Variants in FARP1 observed in about 807,000 individuals in gnomAD.
FARP1 encodes the protein FERM, ARH/RhoGEF and pleckstrin domain protein 1, also known as FERM, ARHGEF and pleckstrin domain-containing protein 1.
FARP1 carries 52 observed loss-of-function variants against 128.8 expected under a neutral mutation model. The observed-to-expected ratio is 0.40, with a 90% CI of 0.32 to 0.51. FARP1 has a LOEUF of 0.51. FARP1 is among the 20% of genes least tolerant of loss of function. The pLI is 0.45. For synonymous variants in FARP1, 580 were observed against 551.8 expected (o/e 1.05, Z -0.72); for missense variants, 1,333 against 1,367.9 (o/e 0.97, Z 0.40).
rs1159801156 is a variant in FARP1, at chr13:98,167,954, C to T, written c.-24+24462C>T. Among the ~76,000 whole-genome samples, 15 of 151,402 alleles carry T rather than the reference C, an allele frequency of 9.9e-5. No individual in the cohort carries two copies. In the East Asian group the frequency reaches 2.4e-3, roughly 24 times the overall value. Reference sequence around the variant, plus strand: ...TTGGGAGGCCGAGGTGGGTGGATCACGAGGTCAGGAGATCGAGACCATCCT... The same window carrying T: ...TTGGGAGGCCGAGGTGGGTGGATCATGAGGTCAGGAGATCGAGACCATCCT... On this transcript the variant is annotated intron_variant, in intron 1 of 26. Coordinates refer to ENST00000319562, the MANE Select transcript of FARP1 (RefSeq NM_005766.4).
intron 3 of FARP1, among the ~76,000 whole-genome samples, chr13:98,353,857 C>T (rs1210334153): frequency 1.3e-5 from 2 of 151,550 alleles, no homozygotes; most frequent in Non-Finnish European, 2.9e-5. Context: ...CTCATGTTAA[C>T]TCTTCTTACC....
intron 1 of FARP1, among the ~76,000 whole-genome samples, chr13:98,145,861 CAAAAAAAAA>C (rs140525790): frequency 2.3e-5 from 3 of 131,210 alleles, no homozygotes; most frequent in South Asian, 2.4e-4. Context: ...GACTCTGTCT[CAAAAAAAAA>C]AAAAAAAAAG....
intron 2 of FARP1, among the ~76,000 whole-genome samples, chr13:98,262,403 G>A (rs1194645686): frequency 6.6e-6 from 1 of 152,032 alleles, no homozygotes; most frequent in East Asian, 1.9e-4. Context: ...GCTGGTTTTT[G>A]GGACACTTAA....
At chr13:98,345,447 CT>C (rs1355762732) in intron 3 of FARP1, 1 of 152,230 alleles carries the variant, frequency 6.6e-6, no homozygotes, top group African/African-American at 2.4e-5. Context: ...AGGTGCTTCT[CT>C]TTTGCTAGAA....
intron 2 of FARP1, among the ~76,000 whole-genome samples, chr13:98,227,946 G>A (rs1439976126): frequency 1.3e-5 from 2 of 152,240 alleles, no homozygotes; most frequent in Non-Finnish European, 2.9e-5. Flanking sequence ...GTTGCTGTGG[G>A]AAGGCAGAAA....
chr13:98,248,883 C>G (rs1265497556), intron 2 of FARP1, among the ~76,000 whole-genome samples: 1 of 151,900 alleles, frequency 6.6e-6, no homozygotes, highest in African/African-American at 2.4e-5. Context: ...GTCCAGGGTT[C>G]CTGAGCGCAA....
At chr13:98,188,840 C>T (rs372038994) in intron 1 of FARP1, among the ~76,000 whole-genome samples, 16 of 152,158 alleles carry the variant, frequency 1.1e-4, no homozygotes, top group African/African-American at 2.7e-4. Flanking sequence ...CCTGCACATC[C>T]GAGGCTCACC....
At chr13:98,208,071 A>T (rs188749415) in intron 1 of FARP1, among the ~76,000 whole-genome samples, 2 of 152,172 alleles carry the variant, frequency 1.3e-5, no homozygotes, top group African/African-American at 4.8e-5. Context: ...TCTCAAGGCT[A>T]ATGAGTGAAT....
At chr13:98,195,762 C>T (rs1367228501) in intron 1 of FARP1, among the ~76,000 whole-genome samples, 6 of 152,172 alleles carry the variant, frequency 3.9e-5, no homozygotes, top group Non-Finnish European at 8.8e-5. Flanking sequence ...TGTGGTGACT[C>T]ACACTTGCAA....
intron 2 of FARP1, among the ~76,000 whole-genome samples, chr13:98,253,267 C>G (rs7318806): frequency 0.023 from 3,484 of 152,318 alleles, 115 homozygotes; most frequent in African/African-American, 0.078. Flanking sequence ...CCTTTTATTT[C>G]TCTTAACCCA....
intron 3 of FARP1, among the ~76,000 whole-genome samples, chr13:98,361,907 C>T (rs547943173): frequency 3.9e-5 from 6 of 152,280 alleles, no homozygotes; most frequent in South Asian, 4.1e-4. Context: ...TATCGGTCAT[C>T]GCCTCTTGCC....
At chr13:98,172,671 G>C (rs1877735526) in intron 1 of FARP1, among the ~76,000 whole-genome samples, 2 of 152,312 alleles carry the variant, frequency 1.3e-5, no homozygotes, top group East Asian at 1.9e-4. Context: ...GCTGGAGAGA[G>C]AAGGAAGTGA....
chr13:98,183,039 T>A (rs1160315978), intron 1 of FARP1, among the ~76,000 whole-genome samples: 1 of 152,206 alleles, frequency 6.6e-6, no homozygotes, highest in East Asian at 1.9e-4. Flanking sequence ...AATTTTAAGA[T>A]CCTTTAATAT....
chr13:98,405,298 G>A (rs370358338), intron 13 of FARP1: 36 of 152,214 alleles, frequency 2.4e-4, no homozygotes, highest in African/African-American at 8.2e-4. Context: ...AGAGAGCAGC[G>A]CAGGCAGTTT....
chr13:98,417,118 G>A lies in FARP1; in HGVS notation c.1826+5084G>A, dbSNP rs540232764. On this transcript the variant is annotated intron_variant, in intron 16 of 26. Coordinates refer to ENST00000319562, the MANE Select transcript of FARP1 (RefSeq NM_005766.4). ...AGCTCAGAGGATGGTCATGAAAATG[G>A]GAGGGAAGTCAAAGAAGCCAGGAAG... 6.6e-5 allele frequency among the ~76,000 whole-genome samples: 10 copies of A among 152,250 alleles called. No individual in the cohort carries two copies. In the East Asian group the frequency reaches 1.9e-3, roughly 29 times the overall value.
chr13:98,411,717 C>T (rs914540012), intron 15 of FARP1, among the ~76,000 whole-genome samples, 184 bp from the exon 16 acceptor site: 10 of 152,158 alleles, frequency 6.6e-5, no homozygotes, highest in African/African-American at 9.7e-5. Context: ...CTTCTTACCC[C>T]GTCTAAGGAA....
At chr13:98,166,492 GTAT>G (rs1243430476) in intron 1 of FARP1, among the ~76,000 whole-genome samples, 5 of 152,116 alleles carry the variant, frequency 3.3e-5, no homozygotes, top group Non-Finnish European at 5.9e-5. Context: ...TAGGGGAGAG[GTAT>G]TATTATTATC....
At chr13:98,181,643 T>TATTTGAGA (rs74946449) in intron 1 of FARP1, among the ~76,000 whole-genome samples, 1 of 38,300 alleles carries the variant, frequency 2.6e-5, no homozygotes, top group African/African-American at 1.2e-4. Flanking sequence ...TTTATTTATT[T>TATTTGAGA]GAGAGAGAGA....
chr13:98,419,892 G>A (rs1865809342), intron 16 of FARP1, among the ~76,000 whole-genome samples: 1 of 152,136 alleles, frequency 6.6e-6, no homozygotes, highest in Admixed American at 6.5e-5. Context: ...AAGGAGAGAA[G>A]GGGAGAGCTG....
Sources: allele counts gnomAD v4.1 joint callset (sites outside exome capture counted in the v4.1 genomes callset), GRCh38; gene constraint gnomAD v4.1.1; transcripts MANE v1.5; gene names NCBI Gene and HGNC (gene_info 2026-07-23, HGNC 2026-07-21).